MEI1: variants seen among roughly 807,000 people sequenced by gnomAD.
The protein encoded by MEI1 is meiotic double-stranded break formation protein 1, also known as meiosis inhibitor protein 1.
A neutral mutation model predicts 146.2 loss-of-function variants in MEI1; 103 were observed. The ratio of observed to expected loss-of-function variants is 0.70; its 90% confidence interval spans 0.60 to 0.83. The LOEUF (loss-of-function observed/expected upper bound fraction) is 0.83. Among genes scored for constraint, MEI1 ranks in the 40% least tolerant of loss-of-function variants. The pLI, the probability that MEI1 is intolerant of heterozygous loss-of-function variation, is 0.00. For missense variants in MEI1, 1,529 were observed against 1,533.0 expected (o/e 1.00, Z 0.04); for synonymous variants, 652 against 628.2 (o/e 1.04, Z -0.57).
Position 41,799,287 on chromosome 22 carries a change from C to A in MEI1, c.3813C>A (p.His1271Gln), listed in dbSNP as rs749447472. 6.2e-7 allele frequency: 1 copy of A among 1,613,528 alleles called. No homozygotes were observed. Among genetic ancestry groups the A allele is most frequent in the South Asian group, 1.1e-5 (1 of 91,078 alleles). The change falls in exon 31 of 31, where the codon CAC becomes CAA. Residue 1271 changes from histidine (H) to glutamine (Q), a missense_variant. His to Gln is a conservative substitution (Grantham distance 24). This residue lies in a region of MEI1 where 313 missense variants were observed against 337.3 expected (regional missense o/e 0.93). Transcript: ENST00000401548. ...CLGGVAVSLS[H>Q]IRN ...GAGGGGTGGCTGTATCCCTGTCCCACATCAGAAACTGATCCTCAGGACTTG... is the reference window on the plus strand; with the variant it reads ...GAGGGGTGGCTGTATCCCTGTCCCAAATCAGAAACTGATCCTCAGGACTTG...
intron 19 of MEI1, among the ~76,000 whole-genome samples, chr22:41,768,104 G>A (rs572560726): frequency 2.8e-4 from 42 of 152,228 alleles, no homozygotes; most frequent in Middle Eastern, 3.4e-3. Context: ...AAATTAGGCC[G>A]GGCGCAGTTG....
At chr22:41,731,392 A>G (rs1404482587) in intron 9 of MEI1, among the ~76,000 whole-genome samples, 1 of 151,202 alleles carries the variant, frequency 6.6e-6, no homozygotes, top group Non-Finnish European at 1.5e-5. Flanking sequence ...TCTGTCACCC[A>G]GGCTGGAGTG....
At chr22:41,737,572 C>T (rs56047822) in intron 11 of MEI1, among the ~76,000 whole-genome samples, 127 of 142,514 alleles carry the variant, frequency 8.9e-4, no homozygotes, top group Non-Finnish European at 1.6e-3. Flanking sequence ...GTCAGAGTCT[C>T]ACTCCGTCAC....
chr22:41,726,582 C>T (rs1457639887), intron 7 of MEI1, among the ~76,000 whole-genome samples: 1 of 152,038 alleles, frequency 6.6e-6, no homozygotes, highest in Non-Finnish European at 1.5e-5. Flanking sequence ...TTCTTTGATT[C>T]TGAGATACAT....
intron 22 of MEI1, among the ~76,000 whole-genome samples, chr22:41,779,227 G>A (rs9623450): frequency 0.64 from 96,747 of 151,764 alleles, 34,021 homozygotes; most frequent in East Asian, 0.92. Flanking sequence ...GCAGCATGTC[G>A]TTTGAGCTCA....
intron 3 of MEI1, among the ~76,000 whole-genome samples, chr22:41,712,527 G>A (rs1273709048): frequency 2.6e-5 from 4 of 151,794 alleles, no homozygotes; most frequent in African/African-American, 9.7e-5. Context: ...GAGCCACTGC[G>A]CCCGGCTCAA....
At chr22:41,743,337 T>TAGGGA in intron 12 of MEI1, 143 bp downstream of exon 12, 1 of 576,930 alleles carries the variant, frequency 1.7e-6, no homozygotes, top group Non-Finnish European at 3.1e-6. Context: ...GCTTTTTCCC[T>TAGGGA]AATAGCAGAA....
intron 3 of MEI1, among the ~76,000 whole-genome samples, chr22:41,712,733 A>G (rs1042809079): frequency 1.8e-4 from 27 of 150,672 alleles, no homozygotes; most frequent in African/African-American, 6.6e-4. Flanking sequence ...CACATTAAAC[A>G]AAACAATATA....
intron 1 of MEI1, among the ~76,000 whole-genome samples, chr22:41,702,761 T>A (rs1245103248): frequency 6.6e-6 from 1 of 151,890 alleles, no homozygotes; most frequent in Non-Finnish European, 1.5e-5. Flanking sequence ...CACACTTTTC[T>A]TTTCTTTTTT....
intron 18 of MEI1, among the ~76,000 whole-genome samples, chr22:41,761,263 A>C (rs554102871): frequency 1.3e-5 from 2 of 149,890 alleles, no homozygotes; most frequent in African/African-American, 4.9e-5. Flanking sequence ...ATGAGCTGAT[A>C]TTGTGCCATT....
At chr22:41,723,849 A>G in intron 6 of MEI1, 94 bp from the exon 7 acceptor site, 1 of 1,431,570 alleles carries the variant, frequency 7.0e-7, no homozygotes, top group Non-Finnish European at 9.4e-7. Flanking sequence ...AGAGGGATGA[A>G]GAAGTTTCTC....
At chr22:41,762,549 GATT>G (rs2074564939) in intron 18 of MEI1, among the ~76,000 whole-genome samples, 4 of 128,794 alleles carry the variant, frequency 3.1e-5, no homozygotes, top group Non-Finnish European at 1.6e-5. Flanking sequence ...TAATTTAACT[GATT>G]TTTTTTTTTT....
Position 41,729,859 on chromosome 22 carries a change from C to G in MEI1, c.979+80C>G, listed in dbSNP as rs2071703343. 8.7e-6 allele frequency: 7 copies of G among 802,608 alleles called. No homozygotes were observed. The South Asian group carries it at 1.2e-4, about 14-fold the overall frequency. The allele number at this position is 802,608 out of a possible 1,614,324, so 49.7% of individuals were successfully genotyped here. ...CAGGTTCAATTGTGTATGACAGACC[C>G]TATGAACTATGTCTCATAACATCTG... On this transcript the variant is annotated intron_variant, in intron 8 of 30. Coordinates refer to ENST00000401548, the MANE Select transcript of MEI1 (RefSeq NM_152513.4).
intron 20 of MEI1, among the ~76,000 whole-genome samples, chr22:41,771,584 C>G (rs565356521): frequency 6.8e-6 from 1 of 147,142 alleles, no homozygotes; most frequent in Non-Finnish European, 1.5e-5. Context: ...TACAGGTGCA[C>G]GCCACCACAC....
intron 30 of MEI1, among the ~76,000 whole-genome samples, chr22:41,798,349 G>A (rs973759440): frequency 6.6e-6 from 1 of 151,922 alleles, no homozygotes; most frequent in African/African-American, 2.4e-5. Flanking sequence ...GGCCAAGGTG[G>A]GCAGATCACC....
chr22:41,705,695 C>A, intron 3 of MEI1, 141 bp downstream of exon 3: 12 of 595,786 alleles, frequency 2.0e-5, no homozygotes, highest in Non-Finnish European at 2.4e-5. Context: ...ACTAATTCAA[C>A]ATTTGTTTTT....
At chr22:41,707,539 T>G (rs535750221) in intron 3 of MEI1, among the ~76,000 whole-genome samples, 72 of 152,276 alleles carry the variant, frequency 4.7e-4, no homozygotes, top group African/African-American at 1.7e-3. Flanking sequence ...GGCATCTTAA[T>G]TGTGTGGGTC....
At chr22:41,704,724 T>C (rs1176975285) in intron 2 of MEI1, among the ~76,000 whole-genome samples, 4 of 152,068 alleles carry the variant, frequency 2.6e-5, no homozygotes, top group South Asian at 2.1e-4. Context: ...ACAATTCTTA[T>C]CTTTTTTTGA....
rs749663310 is a variant in MEI1, at chr22:41,799,349, CAA to C, written c.*52_*53del. 2 of 1,563,564 alleles carry C rather than the reference CAA, an allele frequency of 1.3e-6. No individual in the cohort carries two copies. ...GTGGAGAGAGAATGAGACCTGGAGA[CAA>C]AGGGCATAATTGTTGGGGAAATGGA... On this transcript the variant is annotated 3_prime_UTR_variant, in exon 31 of 31. Transcript: ENST00000401548.
Sources: allele counts gnomAD v4.1 joint callset (sites outside exome capture counted in the v4.1 genomes callset), GRCh38; gene constraint gnomAD v4.1.1; regional missense constraint gnomAD v4.1.1; transcripts MANE v1.5; gene names NCBI Gene and HGNC (gene_info 2026-07-23, HGNC 2026-07-21).